CCDC192: variants seen among roughly 807,000 people sequenced by gnomAD.
The protein encoded by CCDC192 is coiled-coil domain containing 192.
intron 2 of CCDC192, among the ~76,000 whole-genome samples, chr5:127,712,972 C>T (rs111238457): frequency 4.6e-5 from 7 of 152,272 alleles, no homozygotes; most frequent in South Asian, 2.1e-4. Context: ...CAGTGGCTCA[C>T]GCCTGTAATC....
intron 2 of CCDC192, among the ~76,000 whole-genome samples, chr5:127,736,949 A>C (rs938737933): frequency 6.6e-6 from 1 of 150,414 alleles, no homozygotes; most frequent in Non-Finnish European, 1.5e-5. Flanking sequence ...CTCAGATTTT[A>C]GTTATTTCTT....
intron 2 of CCDC192, among the ~76,000 whole-genome samples, chr5:127,751,155 T>G (rs1754140087): frequency 6.6e-6 from 1 of 150,454 alleles, no homozygotes; most frequent in African/African-American, 2.4e-5. Flanking sequence ...GATCCTGTCA[T>G]TATGATGTTA....
chr5:127,883,240 C>T (rs1239164194), intron 6 of CCDC192, among the ~76,000 whole-genome samples: 3 of 152,176 alleles, frequency 2.0e-5, no homozygotes, highest in Non-Finnish European at 4.4e-5. Flanking sequence ...ATCATTATCC[C>T]ACCATTTGCA....
At chr5:127,752,828 T>C (rs144283920) in intron 2 of CCDC192, among the ~76,000 whole-genome samples, 6,412 of 152,282 alleles carry the variant, frequency 0.042, 452 homozygotes, top group African/African-American at 0.15. Context: ...CGCCGTTTTT[T>C]AAGCCGGTTG....
At chr5:127,704,837 TAAAATAAATAAATAAA>T (rs1172864051) in intron 1 of CCDC192, among the ~76,000 whole-genome samples, 2 of 129,982 alleles carry the variant, frequency 1.5e-5, no homozygotes, top group African/African-American at 6.1e-5. Context: ...AAACTCCATC[TAAAATAAATAAATAAA>T]TAAATAAATA....
intron 2 of CCDC192, among the ~76,000 whole-genome samples, chr5:127,735,915 T>A (rs1752959852): frequency 7.7e-6 from 1 of 130,280 alleles, no homozygotes; most frequent in South Asian, 2.6e-4. Flanking sequence ...TTGAATACCG[T>A]TTATTTCTTT....
chr5:127,709,791 C>T (rs957446936), intron 2 of CCDC192, among the ~76,000 whole-genome samples: 2 of 152,132 alleles, frequency 1.3e-5, no homozygotes, highest in African/African-American at 4.8e-5. Flanking sequence ...GTTTATGATA[C>T]TGTTGCCCAA....
chr5:127,852,116 C>T lies in CCDC192; in HGVS notation c.412-23422C>T, dbSNP rs1210539415. On this transcript the variant is annotated intron_variant, in intron 5 of 6. Transcript: ENST00000514853. ...GTGCTCAAAATGTTTTCCACGATAC[C>T]AACCCCAGAGAGCAAACACTACTGC... 3.3e-5 allele frequency among the ~76,000 whole-genome samples: 5 copies of T among 152,110 alleles called. No homozygotes were observed. In the East Asian group the frequency reaches 9.6e-4, roughly 29 times the overall value.
chr5:127,825,850 A>T (rs1000191688), intron 5 of CCDC192, among the ~76,000 whole-genome samples: 2 of 152,250 alleles, frequency 1.3e-5, no homozygotes, highest in African/African-American at 2.4e-5. Flanking sequence ...TTCCATATTT[A>T]ATGCAATGCT....
intron 6 of CCDC192, among the ~76,000 whole-genome samples, chr5:127,900,127 T>G (rs1243093082): frequency 6.6e-6 from 1 of 152,188 alleles, no homozygotes; most frequent in Non-Finnish European, 1.5e-5. Flanking sequence ...AAATCCCAGC[T>G]TTGCTAACCC....
At chr5:127,757,495 A>G (rs1014584893) in intron 3 of CCDC192, among the ~76,000 whole-genome samples, 8 of 152,112 alleles carry the variant, frequency 5.3e-5, no homozygotes, top group African/African-American at 1.9e-4. Context: ...GCTTTCTCCA[A>G]TGTTTAGTCT....
intron 6 of CCDC192, among the ~76,000 whole-genome samples, chr5:127,907,421 T>G (rs1250747640): frequency 6.6e-6 from 1 of 152,198 alleles, no homozygotes; most frequent in Non-Finnish European, 1.5e-5. Flanking sequence ...ATATTACAAT[T>G]CTTCAGTTAT....
At chr5:127,840,933 G>T (rs1750254737) in intron 5 of CCDC192, among the ~76,000 whole-genome samples, 1 of 152,196 alleles carries the variant, frequency 6.6e-6, no homozygotes, top group South Asian at 2.1e-4. Flanking sequence ...AGGAAGTGAA[G>T]TAAAAATGTT....
chr5:127,791,454 C>T (rs549264407), intron 3 of CCDC192, among the ~76,000 whole-genome samples: 1 of 152,272 alleles, frequency 6.6e-6, no homozygotes, highest in African/African-American at 2.4e-5. Context: ...CTGGTCCTGT[C>T]ACAAAAATAA....
chr5:127,751,878 C>A (rs1267187656), intron 2 of CCDC192, among the ~76,000 whole-genome samples: 2 of 152,134 alleles, frequency 1.3e-5, no homozygotes, highest in East Asian at 3.9e-4. Flanking sequence ...TCTTCCATTG[C>A]TGATACCCTT....
At chr5:127,741,038 A>C (rs1468963626) in intron 2 of CCDC192, among the ~76,000 whole-genome samples, 1 of 152,152 alleles carries the variant, frequency 6.6e-6, no homozygotes, top group Non-Finnish European at 1.5e-5. Context: ...AAAAACAAAT[A>C]GATTTTTTTT....
At chr5:127,743,896 C>G (rs1028108300) in intron 2 of CCDC192, among the ~76,000 whole-genome samples, 3 of 151,952 alleles carry the variant, frequency 2.0e-5, no homozygotes, top group African/African-American at 7.3e-5. Flanking sequence ...CGAGACCATC[C>G]TGGCTTAACA....
chr5:127,708,667 C>T (rs1046694179), intron 2 of CCDC192, among the ~76,000 whole-genome samples: 1 of 152,164 alleles, frequency 6.6e-6, no homozygotes, highest in African/African-American at 2.4e-5. Context: ...CCGAGCTTTA[C>T]TTTTCATCTG....
intron 2 of CCDC192, among the ~76,000 whole-genome samples, chr5:127,752,896 C>T (rs1335986040): frequency 2.0e-5 from 3 of 152,214 alleles, no homozygotes; most frequent in Non-Finnish European, 2.9e-5. Context: ...TTCGTCACCC[C>T]TTTCTTTGAC....
Sources: allele counts gnomAD v4.1 joint callset (sites outside exome capture counted in the v4.1 genomes callset), GRCh38; gene constraint gnomAD v4.1.1; transcripts MANE v1.5; gene names NCBI Gene and HGNC (gene_info 2026-07-23, HGNC 2026-07-21).